STK11IP: variants seen among roughly 807,000 people sequenced by gnomAD.
STK11IP encodes the protein serine/threonine-protein kinase 11-interacting protein.
In STK11IP, 103 loss-of-function variants were observed where a neutral mutation model predicts 131.7. The observed-to-expected ratio is 0.78, with a 90% CI of 0.67 to 0.92. STK11IP has a LOEUF of 0.92. STK11IP is among the 40% of genes least tolerant of loss of function. The probability of loss-of-function intolerance (pLI) is 0.00; values close to 1 mark genes in which losing one functional copy is unlikely to be tolerated. For missense variants in STK11IP, 1,315 were observed against 1,385.7 expected, an observed-to-expected ratio of 0.95 and a Z score of 0.81; for synonymous variants, 557 against 575.6, an observed-to-expected ratio of 0.97 and a Z score of 0.46.
intron 7 of STK11IP, among the ~76,000 whole-genome samples, chr2:219,605,159 G>T (rs895584164): frequency 5.3e-5 from 8 of 152,184 alleles, no homozygotes; most frequent in African/African-American, 1.9e-4. Context: ...GGGCGGCGGG[G>T]AGTGGGCAGG....
chr2:219,607,980 C>T (rs902723232), intron 13 of STK11IP, 67 bp from the exon 14 acceptor site: 6 of 1,556,186 alleles, frequency 3.9e-6, no homozygotes, highest in East Asian at 2.3e-5. Context: ...TGAGGAGCAC[C>T]GTTGAAGGAT....
At chr2:219,601,750 C>T (rs1244849666) in intron 4 of STK11IP, 35 bp downstream of exon 4, 3 of 1,575,202 alleles carry the variant, frequency 1.9e-6, no homozygotes, top group Admixed American at 1.8e-5. Context: ...GTGCACAGCA[C>T]CCAACTTGAG....
Position 219,606,824 on chromosome 2 carries a change from G to A in STK11IP, c.1100G>A (p.Gly367Asp), listed in dbSNP as rs1004599497. 6 of 1,613,444 alleles carry A rather than the reference G, an allele frequency of 3.7e-6. No individual in the cohort carries two copies. The South Asian group carries it at 4.4e-5, about 12-fold the overall frequency. ...CTGAGTGACAGCCTCTCCTCAGGGGGTGTTGTGACCCAGCCCCTGCTTCAT... is the reference window on the plus strand; with the variant it reads ...CTGAGTGACAGCCTCTCCTCAGGGGATGTTGTGACCCAGCCCCTGCTTCAT... ...PDLSDSLSSG[G>D]VVTQPLLHKV... Residue 367 changes from glycine (G) to aspartate (D), a missense_variant, in exon 12 of 25, where the codon GGT (glycine) becomes GAT (aspartate). Coordinates refer to ENST00000456909, the MANE Select transcript of STK11IP (RefSeq NM_052902.4).
At chr2:219,598,711 T>TA in intron 2 of STK11IP, among the ~76,000 whole-genome samples, 1 of 152,358 alleles carries the variant, frequency 6.6e-6, no homozygotes, top group Admixed American at 6.5e-5. Context: ...AGTAACTGCT[T>TA]ACAGTTGGGA....
chr2:219,605,219 C>T (rs1338870284), intron 7 of STK11IP, among the ~76,000 whole-genome samples: 3 of 152,132 alleles, frequency 2.0e-5, no homozygotes, highest in Non-Finnish European at 4.4e-5. Flanking sequence ...TCAGGTTGGT[C>T]CACATGAAAC....
rs567009609 is a variant in STK11IP, at chr2:219,611,719, G to C, written c.2220G>C (p.Pro740=). The part of the protein sequence containing the change: ...KQGEQSLAPS[P]SASPVCHPPG... ...GAGAGCAGTCTCTGGCTCCTTCTCC[G>C]TCTGCCAGCCCTGTCTGCCACCCTC... Residue 740 remains proline (P), a synonymous_variant, in exon 18 of 25, where the codon CCG becomes CCC. Coordinates refer to ENST00000456909, the MANE Select transcript of STK11IP (RefSeq NM_052902.4). 53 of 1,613,056 alleles carry C rather than the reference G, an allele frequency of 3.3e-5. No individual in the cohort carries two copies. Among genetic ancestry groups the C allele is most frequent in the Non-Finnish European group, 4.5e-5 (53 of 1,179,880 alleles).
chr2:219,603,036 GTTTTTTTTTTTTTT>G (rs750626798), intron 7 of STK11IP, among the ~76,000 whole-genome samples: 1 of 118,750 alleles, frequency 8.4e-6, no homozygotes, highest in African/African-American at 3.5e-5. Flanking sequence ...AGAGTACCTG[GTTTTTTTTTTTTTT>G]TTTTTTTTTG....
chr2:219,601,898 GTCT>G, intron 4 of STK11IP, 87 bp from the exon 5 acceptor site: 2 of 1,329,356 alleles, frequency 1.5e-6, no homozygotes, highest in Non-Finnish European at 1.1e-6. Context: ...GGGCTTTGTG[GTCT>G]TCTCCCTCCT....
intron 4 of STK11IP, 97 bp from the exon 5 acceptor site, chr2:219,601,891 C>T: frequency 3.1e-6 from 4 of 1,294,564 alleles, no homozygotes; most frequent in Non-Finnish European, 4.4e-6. Context: ...CATAGCTGGG[C>T]TTTGTGGTCT....
chr2:219,614,941 A>G, intron 23 of STK11IP, 153 bp from the exon 24 acceptor site: 1 of 893,032 alleles, frequency 1.1e-6, no homozygotes. Context: ...GGAGCTTGGG[A>G]AAGGGAGGGT....
intron 7 of STK11IP, among the ~76,000 whole-genome samples, chr2:219,605,293 T>G (rs1698113899): frequency 6.6e-6 from 1 of 152,174 alleles, no homozygotes; most frequent in Non-Finnish European, 1.5e-5. Context: ...TCACAGAGAC[T>G]GGGAGACGGG....
rs536204672 is a variant in STK11IP at position 219,598,034 on chromosome 2, C to G, written c.-26-60C>G. Reference sequence around the variant, plus strand: ...ATGACGCCTCGGTTTGCGCGGACGCCCTGGGCTTTTGGCACTACCGCCCAC... The same window carrying G: ...ATGACGCCTCGGTTTGCGCGGACGCGCTGGGCTTTTGGCACTACCGCCCAC... On this transcript the variant is annotated intron_variant, in intron 1 of 24. Coordinates refer to ENST00000456909, the MANE Select transcript of STK11IP (RefSeq NM_052902.4). 8.1e-5 allele frequency: 127 copies of G among 1,569,640 alleles called. No individual in the cohort carries two copies. The African/African-American group carries it at 1.6e-3, about 20-fold the overall frequency.
intron 1 of STK11IP, 36 bp from the exon 2 acceptor site, chr2:219,598,058 A>C: frequency 1.3e-6 from 2 of 1,566,690 alleles, no homozygotes; most frequent in Non-Finnish European, 1.7e-6. Context: ...ACTACCGCCC[A>C]CCTGAGGCTC....
chr2:219,598,141 T>A lies in STK11IP; in HGVS notation c.22T>A (p.Ser8Thr). The change falls in exon 2 of 25, where the codon TCC becomes ACC. Residue 8 changes from serine (S) to threonine (T), a missense_variant. Ser to Thr is a moderately conservative substitution (Grantham distance 58, BLOSUM62 1). Transcript: ENST00000456909. MTTAQRD[S>T]LLWKLAGLLR... ...GGCCATGACGACCGCTCAGAGGGAC[T>A]CCCTGTTGTGGAAGCTCGCGGGGTT... 1.9e-6 allele frequency: 3 copies of A among 1,587,962 alleles called. No individual in the cohort carries two copies. The highest frequency in any genetic ancestry group is 2.6e-6 in the Non-Finnish European group (3 of 1,167,314).
Position 219,613,152 on chromosome 2 carries a change from A to G in STK11IP, c.2464A>G (p.Thr822Ala), listed in dbSNP as rs770358108. ...GGTGCCAGTGGCATTGGCAGGCCAC[A>G]CTGGGGAGTTCATGTGCCTTGTGGT... is the stretch of plus-strand genomic sequence containing the variant. ...LKVPVALAGH[T>A]GEFMCLVVVS... The change falls in exon 20 of 25, where the codon ACT becomes GCT. Residue 822 changes from threonine (T) to alanine (A), a missense_variant. Thr to Ala is a moderately conservative substitution (Grantham distance 58). Coordinates refer to ENST00000456909, the MANE Select transcript of STK11IP (RefSeq NM_052902.4). 1 of 1,609,252 alleles carries G rather than the reference A, an allele frequency of 6.2e-7. No homozygotes were observed. Among genetic ancestry groups the G allele is most frequent in the African/African-American group, 1.3e-5 (1 of 74,676 alleles).
intron 17 of STK11IP, 170 bp downstream of exon 17, chr2:219,609,710 A>G (rs1316786504): frequency 1.3e-6 from 1 of 758,564 alleles, no homozygotes; most frequent in African/African-American, 1.8e-5. Flanking sequence ...CATTTACAAA[A>G]AGGAAAACAG....
chr2:219,613,683 G>A (rs907103772), intron 20 of STK11IP, 69 bp from the exon 21 acceptor site: 1 of 1,589,706 alleles, frequency 6.3e-7, no homozygotes. Context: ...GTGCAGCTGG[G>A]GCAGGGCCTC....
intron 24 of STK11IP, among the ~76,000 whole-genome samples, 183 bp downstream of exon 24, chr2:219,615,524 C>CAGGG (rs111415476): frequency 6.6e-6 from 1 of 152,014 alleles, no homozygotes; most frequent in Admixed American, 6.5e-5. Context: ...AATATCAAGT[C>CAGGG]AGGGAGGCAG....
intron 24 of STK11IP, chr2:219,615,704 C>G: frequency 1.6e-6 from 1 of 640,304 alleles, no homozygotes; most frequent in Non-Finnish European, 3.0e-6. Flanking sequence ...GTCCTATTTA[C>G]AGGTGAGGAA....
Sources: gnomAD v4.1 joint callset for allele counts (sites outside exome capture counted in the v4.1 genomes callset) on GRCh38, gnomAD v4.1.1 for gene constraint, MANE v1.5 for transcripts, NCBI Gene and HGNC (gene_info 2026-07-23, HGNC 2026-07-21) for gene names.